TASP1: variants seen among roughly 807,000 people sequenced by gnomAD.
The protein encoded by TASP1 is taspase 1, also known as threonine aspartase 1.
A neutral mutation model predicts 56.6 loss-of-function variants in TASP1; 16 were observed. The observed-to-expected ratio is 0.28, with a 90% CI of 0.19 to 0.43. The LOEUF is 0.43. Ranked by LOEUF, TASP1 falls within the 20% of genes least tolerant of loss-of-function variation. The probability of loss-of-function intolerance (pLI) is 1.00; values close to 1 mark genes in which losing one functional copy is unlikely to be tolerated. For missense variants in TASP1, 393 were observed against 511.6 expected (o/e 0.77, Z 2.24); for synonymous variants, 179 against 184.2 (o/e 0.97, Z 0.23).
the TASP1 span, among the ~76,000 whole-genome samples, chr20:13,183,295 C>A: frequency 1.6e-4 from 24 of 152,128 alleles, no homozygotes; most frequent in African/African-American, 5.8e-4. Flanking sequence ...TGAATCCATC[C>A]TAGACCATCC....
the TASP1 span, among the ~76,000 whole-genome samples, chr20:13,144,133 T>C: frequency 6.6e-6 from 1 of 152,170 alleles, no homozygotes; most frequent in African/African-American, 2.4e-5. Flanking sequence ...AATCCAAACA[T>C]TCTAGGCAAG....
intron 4 of TASP1, among the ~76,000 whole-genome samples, chr20:13,605,361 T>TA (rs2048111147): frequency 6.6e-6 from 1 of 152,218 alleles, no homozygotes; most frequent in African/African-American, 2.4e-5. Flanking sequence ...GACAAAAAAG[T>TA]AGTATACCTA....
the TASP1 span, among the ~76,000 whole-genome samples, chr20:13,105,161 T>C: frequency 3.9e-5 from 6 of 152,138 alleles, no homozygotes; most frequent in African/African-American, 1.2e-4. Flanking sequence ...GAGAGGAACA[T>C]GCCAGGGGCT....
the TASP1 span, among the ~76,000 whole-genome samples, chr20:13,357,360 A>G: frequency 6.6e-6 from 1 of 152,170 alleles, no homozygotes; most frequent in South Asian, 2.1e-4. Context: ...CATGCTCTTC[A>G]ATTCCTTTAT....
the TASP1 span, among the ~76,000 whole-genome samples, chr20:13,139,759 T>C: frequency 6.6e-6 from 1 of 152,250 alleles, no homozygotes; most frequent in African/African-American, 2.4e-5. Flanking sequence ...CAGGACATTC[T>C]TTCCTCCGAC....
intron 13 of TASP1, among the ~76,000 whole-genome samples, chr20:13,395,706 T>C (rs1486178299): frequency 2.0e-5 from 3 of 150,748 alleles, no homozygotes; most frequent in Non-Finnish European, 3.0e-5. Flanking sequence ...TTTTTTTTTT[T>C]TTTCTTTTTT....
chr20:13,396,658 G>A lies in TASP1; in HGVS notation c.1171-6206C>T, dbSNP rs575316369. ...TGTCTTAAATTAAAAGTATTAAATAGGCCAGAGCAATTTGAAGATACAATT... is the reference window on the plus strand; with the variant it reads ...TGTCTTAAATTAAAAGTATTAAATAAGCCAGAGCAATTTGAAGATACAATT... On this transcript the variant is annotated intron_variant, in intron 13 of 13. Coordinates refer to ENST00000337743, the MANE Select transcript of TASP1 (RefSeq NM_017714.3). Among the ~76,000 whole-genome samples the A allele has an allele frequency of 3.3e-5, 5 of 152,176 alleles. No individual in the cohort carries two copies. The East Asian group carries it at 9.6e-4, about 29-fold the overall frequency.
chr20:13,401,190 TA>T (rs1285829413), intron 13 of TASP1, among the ~76,000 whole-genome samples: 5 of 152,230 alleles, frequency 3.3e-5, no homozygotes, highest in African/African-American at 1.2e-4. Flanking sequence ...AATCATATTT[TA>T]ACATAAAATT....
chr20:13,400,634 T>TG (rs1295967662), intron 13 of TASP1, among the ~76,000 whole-genome samples: 2 of 152,206 alleles, frequency 1.3e-5, no homozygotes, highest in African/African-American at 4.8e-5. Context: ...AGTCCAAACA[T>TG]GTACAGTACA....
the TASP1 span, among the ~76,000 whole-genome samples, chr20:13,183,075 G>A: frequency 6.6e-6 from 1 of 152,176 alleles, no homozygotes; most frequent in Non-Finnish European, 1.5e-5. Context: ...TCAGTCCATA[G>A]GACAATAGCA....
rs138772523 is a variant in TASP1 at position 13,546,537 on chromosome 20, C to G, written c.676-12396G>C. On this transcript the variant is annotated intron_variant, in intron 8 of 13. Coordinates refer to ENST00000337743, the MANE Select transcript of TASP1 (RefSeq NM_017714.3). ...TCCATTCTGTAAGTCCCCTAGCCCC[C>G]CTGGAAAATCACACATCCAAAATAA... 3.2e-3 allele frequency among the ~76,000 whole-genome samples: 493 copies of G among 152,274 alleles called. 2 individuals carry two copies. The highest frequency in any genetic ancestry group is 0.012 in the East Asian group (60 of 5,182).
intron 8 of TASP1, among the ~76,000 whole-genome samples, chr20:13,536,428 CT>C (rs2045419550): frequency 6.6e-6 from 1 of 152,182 alleles, no homozygotes; most frequent in Admixed American, 6.6e-5. Context: ...CATATCACCA[CT>C]ATTATACTAC....
chr20:13,282,667 T>G, the TASP1 span, among the ~76,000 whole-genome samples: 1 of 152,176 alleles, frequency 6.6e-6, no homozygotes, highest in East Asian at 1.9e-4. Flanking sequence ...CCTAGTATCT[T>G]CCCCATCATT....
At chr20:13,572,972 G>C (rs1214186479) in intron 6 of TASP1, among the ~76,000 whole-genome samples, 1 of 152,042 alleles carries the variant, frequency 6.6e-6, no homozygotes. Context: ...AGAAAGATAT[G>C]GGAGAACATA....
At chr20:13,460,391 C>T (rs1474299625) in intron 11 of TASP1, among the ~76,000 whole-genome samples, 1 of 152,162 alleles carries the variant, frequency 6.6e-6, no homozygotes, top group Non-Finnish European at 1.5e-5. Context: ...TTCCAGAGCT[C>T]TTCAAGGTCT....
chr20:13,581,041 C>A, intron 5 of TASP1, 60 bp from the exon 6 acceptor site: 1 of 1,513,282 alleles, frequency 6.6e-7, no homozygotes, highest in Non-Finnish European at 9.0e-7. Context: ...TAGTTTCCCA[C>A]TCAGTTTTGC....
the TASP1 span, among the ~76,000 whole-genome samples, chr20:13,347,396 G>A: frequency 6.6e-6 from 1 of 152,168 alleles, no homozygotes; most frequent in Non-Finnish European, 1.5e-5. Context: ...CTCCTTTCCT[G>A]GGCTCTCCAA....
chr20:13,610,506 C>T (rs1388435743), intron 4 of TASP1, among the ~76,000 whole-genome samples: 1 of 151,964 alleles, frequency 6.6e-6, no homozygotes, highest in African/African-American at 2.4e-5. Flanking sequence ...TGAAGCTGTC[C>T]CCTTAAAATA....
chr20:13,358,312 T>C, the TASP1 span, among the ~76,000 whole-genome samples: 3 of 152,234 alleles, frequency 2.0e-5, no homozygotes, highest in African/African-American at 7.2e-5. Flanking sequence ...TGGTGGTCTC[T>C]TCACACGGAC....
Sources: gnomAD v4.1 joint callset for allele counts (sites outside exome capture counted in the v4.1 genomes callset) on GRCh38, gnomAD v4.1.1 for gene constraint, MANE v1.5 for transcripts, NCBI Gene and HGNC (gene_info 2026-07-23, HGNC 2026-07-21) for gene names.